IL6R: variants seen among roughly 807,000 people sequenced by gnomAD.
IL6R encodes interleukin-6 receptor subunit alpha.
A neutral mutation model predicts 48.3 loss-of-function variants in IL6R; 38 were observed. That is an observed-to-expected ratio of 0.79 (90% confidence interval 0.61 to 1.03). The LOEUF (loss-of-function observed/expected upper bound fraction) is 1.03. Ranked by LOEUF, IL6R falls within the 50% of genes least tolerant of loss-of-function variation. IL6R has a pLI of 0.00. For synonymous variants in IL6R, 264 were observed against 256.2 expected, an observed-to-expected ratio of 1.03 and a Z score of -0.29; for missense variants, 534 against 618.3, an observed-to-expected ratio of 0.86 and a Z score of 1.45.
chr1:154,447,441 AAAAAAAAAAAAAAATATATAT>A lies in IL6R; in HGVS notation c.950-682_950-662del, dbSNP rs1256383353. ...GCAAAAGAGTGAAACTCCATCTCAA[AAAAAAAAAAAAAAATATATAT>A]ATATATATATATATACACACACACA... On this transcript the variant is annotated intron_variant, in intron 6 of 9. Transcript: ENST00000368485. 9.4e-4 allele frequency among the ~76,000 whole-genome samples: 57 copies of A among 60,776 alleles called. 5 individuals are homozygous for A. Among genetic ancestry groups the A allele is most frequent in the African/African-American group, 2.1e-3 (29 of 13,854 alleles). The allele number at this position is 60,776 out of a possible 152,430, so 39.9% of individuals were successfully genotyped here.
Position 154,415,118 on chromosome 1 carries a change from C to G in IL6R, c.85+9404C>G, listed in dbSNP as rs1056748512. The G allele has an allele frequency of 2.8e-6, 3 of 1,067,230 alleles. No homozygotes were observed. The African/African-American group carries it at 4.7e-5, about 17-fold the overall frequency. 66.1% of individuals were successfully genotyped at this position (1,067,230 alleles called of 1,614,324 possible). A position where few individuals can be genotyped will look rare whatever the true frequency, so the allele number is the denominator to read the frequency against. ...TGGGGCTTTTACGGTTCCACTCGCC[C>G]TTGAGTTGCTTGTACTTGCCGTCCT... On this transcript the variant is annotated intron_variant, in intron 1 of 9. Transcript: ENST00000368485.
chr1:154,441,384 T>C (rs190520672), intron 6 of IL6R, among the ~76,000 whole-genome samples: 158 of 152,292 alleles, frequency 1.0e-3, no homozygotes, highest in Non-Finnish European at 1.7e-3. Flanking sequence ...GGAGCTCAGA[T>C]AGAACAGTCG....
Position 154,465,493 on chromosome 1 carries a change from G to A in IL6R, c.*113G>A. On this transcript the variant is annotated 3_prime_UTR_variant, in exon 10 of 10. Transcript: ENST00000368485. ...CTTATCTCAGGGGTGTGCGGCCTTT[G>A]GCTTCACGGAAGAGCCTTGCGGAAG... 7.9e-7 allele frequency: 1 copy of A among 1,266,998 alleles called. No individual in the cohort carries two copies. Among genetic ancestry groups the A allele is most frequent in the South Asian group, 1.3e-5 (1 of 75,368 alleles). The allele number at this position is 1,266,998 out of a possible 1,614,324, so 78.5% of individuals were successfully genotyped here.
At position 154,465,137 on chromosome 1, in the gene IL6R, C is replaced by T. The variant is rs148996840; in HGVS notation, c.1164C>T (p.Phe388=). The T allele has an allele frequency of 6.2e-7, 1 of 1,613,980 alleles. No homozygotes were observed. The highest frequency in any genetic ancestry group is 1.3e-5 in the African/African-American group (1 of 74,888). The change falls in exon 10 of 10, where the codon TTC becomes TTT. Residue 388 remains phenylalanine (F), a synonymous_variant. Coordinates refer to ENST00000368485, the MANE Select transcript of IL6R (RefSeq NM_000565.4). Reference sequence around the variant, plus strand: ...GTCTTTGTGTGTTTGTGTGAAGGTTCAAGAAGACGTGGAAGCTGCGGGCTC... The same window carrying T: ...GTCTTTGTGTGTTTGTGTGAAGGTTTAAGAAGACGTGGAAGCTGCGGGCTC... ...TLLCIAIVLR[F]KKTWKLRALK...
At position 154,436,014 on chromosome 1, in the gene IL6R, G is replaced by A. The variant is rs1441129731; in HGVS notation, c.853G>A (p.Gly285Ser). Residue 285 changes from glycine to serine, a missense_variant, in exon 6 of 10, where the codon GGC becomes AGC. Transcript: ENST00000368485. ...CTGTGTCATCCACGACGCCTGGAGC[G>A]GCCTGAGGCACGTGGTGCAGCTTCG... The part of the protein sequence containing the change: ...HHCVIHDAWS[G>S]LRHVVQLRAQ... The A allele has an allele frequency of 4.3e-6, 7 of 1,612,472 alleles. No individual in the cohort carries two copies. Among genetic ancestry groups the A allele is most frequent in the African/African-American group, 1.3e-5 (1 of 74,946 alleles).
chr1:154,435,059 C>T lies in IL6R; in HGVS notation c.710C>T (p.Thr237Ile), dbSNP rs1378157821. 1.9e-6 allele frequency: 3 copies of T among 1,614,144 alleles called. No individual in the cohort carries two copies. Among genetic ancestry groups the T allele is most frequent in the Middle Eastern group, 3.3e-4 (2 of 6,060 alleles). The part of the protein sequence containing the change: ...VARNPRWLSV[T>I]WQDPHSWNSS... Reference sequence around the variant, plus strand: ...AGAAACCCCCGCTGGCTCAGTGTCACCTGGCAAGACCCCCACTCCTGGAAC... The same window carrying T: ...AGAAACCCCCGCTGGCTCAGTGTCATCTGGCAAGACCCCCACTCCTGGAAC... The change falls in exon 5 of 10, where the codon ACC becomes ATC. Residue 237 changes from threonine (T) to isoleucine (I), a missense_variant. Transcript: ENST00000368485.
At chr1:154,412,683 G>T (rs1023221060) in intron 1 of IL6R, among the ~76,000 whole-genome samples, 1 of 152,128 alleles carries the variant, frequency 6.6e-6, no homozygotes, top group African/African-American at 2.4e-5. Context: ...TTTTTTGAAA[G>T]ATTAGGTATG....
At chr1:154,414,589 T>C (rs888334702) in intron 1 of IL6R, 8 of 753,812 alleles carry the variant, frequency 1.1e-5, no homozygotes, top group Non-Finnish European at 1.6e-5. Context: ...ATAGGCTTTC[T>C]TGATGCACCC....
intron 6 of IL6R, chr1:154,437,374 G>A (rs895023739): frequency 1.8e-5 from 6 of 336,858 alleles, no homozygotes; most frequent in Non-Finnish European, 2.5e-5. Flanking sequence ...TGGGATTATA[G>A]GCATGAGTCA....
chr1:154,410,031 G>A (rs950391595), intron 1 of IL6R, among the ~76,000 whole-genome samples: 2 of 152,168 alleles, frequency 1.3e-5, no homozygotes, highest in African/African-American at 4.8e-5. Flanking sequence ...CTTTAACAAT[G>A]TGTACTACCT....
intron 5 of IL6R, 151 bp from the exon 6 acceptor site, chr1:154,435,818 C>G: frequency 1.6e-6 from 1 of 620,766 alleles, no homozygotes; most frequent in South Asian, 2.5e-5. Context: ...AGGGCAACCC[C>G]CTCTCTAGCA....
intron 8 of IL6R, 103 bp downstream of exon 8, chr1:154,450,083 C>G: frequency 1.4e-6 from 1 of 728,738 alleles, no homozygotes; most frequent in Non-Finnish European, 2.5e-6. Context: ...GGATCAATCA[C>G]AGATCAATCG....
chr1:154,461,834 T>C (rs922260153), intron 9 of IL6R, among the ~76,000 whole-genome samples: 7 of 152,158 alleles, frequency 4.6e-5, no homozygotes, highest in African/African-American at 1.7e-4. Context: ...GTGGAGATGG[T>C]TGACTGGTTG....
intron 6 of IL6R, among the ~76,000 whole-genome samples, chr1:154,441,134 C>T (rs1689910248): frequency 6.6e-6 from 1 of 152,212 alleles, no homozygotes; most frequent in Admixed American, 6.5e-5. Context: ...AGTTCCCAGA[C>T]CTGCATCTGC....
chr1:154,459,963 G>C (rs1002510543), intron 9 of IL6R, among the ~76,000 whole-genome samples: 1 of 152,088 alleles, frequency 6.6e-6, no homozygotes, highest in African/African-American at 2.4e-5. Flanking sequence ...CCACAGCTGG[G>C]GGACGGGCAG....
chr1:154,452,475 A>G (rs941434476), intron 8 of IL6R, among the ~76,000 whole-genome samples: 10 of 151,984 alleles, frequency 6.6e-5, no homozygotes, highest in African/African-American at 1.2e-4. Flanking sequence ...GCTCCTTCCT[A>G]TTACTCAAGT....
rs55844786 is a variant in IL6R, at chr1:154,448,875, C to CTTCTTTTT, written c.996+706_996+707insCTTTTTTT. On this transcript the variant is annotated intron_variant, in intron 7 of 9. Coordinates refer to ENST00000368485, the MANE Select transcript of IL6R (RefSeq NM_000565.4). ...CATTGCAAGGGAGTGCTTGTAAGGG[C>CTTCTTTTT]TTTTTTTTTTTTTTTTTTTTTTTTT... 1.2e-3 allele frequency among the ~76,000 whole-genome samples: 88 copies of CTTCTTTTT among 73,306 alleles called. 16 individuals carry two copies. Among genetic ancestry groups the CTTCTTTTT allele is most frequent in the Admixed American group, 2.3e-3 (14 of 6,212 alleles). 48.1% of individuals were successfully genotyped at this position (73,306 alleles called of 152,430 possible). A position where few individuals can be genotyped will look rare whatever the true frequency, so the allele number is the denominator to read the frequency against.
Position 154,438,210 on chromosome 1 carries a change from CT to C in IL6R, c.949+2110del, listed in dbSNP as rs146568478. 3.2e-3 allele frequency among the ~76,000 whole-genome samples: 469 copies of C among 148,232 alleles called. 2 individuals are homozygous for C. Among genetic ancestry groups the C allele is most frequent in the African/African-American group, 0.011 (447 of 40,344 alleles). ...AACTCTAAACAACAAGCTTATATGG[CT>C]TTTTTTTTTCCCTGATAAAACCACT... On this transcript the variant is annotated intron_variant, in intron 6 of 9. Coordinates refer to ENST00000368485, the MANE Select transcript of IL6R (RefSeq NM_000565.4).
intron 9 of IL6R, among the ~76,000 whole-genome samples, chr1:154,457,322 C>CAA (rs60033332): frequency 3.3e-4 from 26 of 78,040 alleles, no homozygotes; most frequent in Admixed American, 4.7e-4. Flanking sequence ...GACTCCGTCT[C>CAA]AAAAAAAAAA....
Sources: gnomAD v4.1 joint callset for allele counts (sites outside exome capture counted in the v4.1 genomes callset) on GRCh38, gnomAD v4.1.1 for gene constraint, MANE v1.5 for transcripts, NCBI Gene and HGNC (gene_info 2026-07-23, HGNC 2026-07-21) for gene names.